The following MTOR variants were observed in gnomAD, a reference collection of about 807,000 sequenced individuals.
The protein encoded by MTOR is mechanistic target of rapamycin kinase.
In MTOR, 70 loss-of-function variants were observed where a neutral mutation model predicts 319.8. The ratio of observed to expected loss-of-function variants is 0.22; its 90% CI spans 0.18 to 0.27. MTOR has a LOEUF of 0.27. MTOR is among the 10% of genes least tolerant of loss of function. MTOR has a pLI of 1.00. For synonymous variants in MTOR, 1,183 were observed against 1,211.4 expected (o/e 0.98, Z 0.49); for missense variants, 1,890 against 3,274.4 (o/e 0.58, Z 10.32).
intron 23 of MTOR, among the ~76,000 whole-genome samples, chr1:11,211,959 C>T (rs1015579824): frequency 6.6e-6 from 1 of 152,042 alleles, no homozygotes. Context: ...TAGGTCTCTG[C>T]TTGAGTGTCA....
At chr1:11,135,694 G>A (rs1341029502) in intron 36 of MTOR, among the ~76,000 whole-genome samples, 2 of 151,450 alleles carry the variant, frequency 1.3e-5, no homozygotes, top group African/African-American at 2.4e-5. Context: ...TTAGCCGGGC[G>A]TGGTGGGGCG....
In MTOR at chr1:11,107,220, A is replaced by C; in HGVS notation, c.*265T>G. ...TAAAGTTATGGATCTTCTGTTCCCCAAAATGAATGGCTTGATTTACGTGGT... is the reference window on the plus strand; with the variant it reads ...TAAAGTTATGGATCTTCTGTTCCCCCAAATGAATGGCTTGATTTACGTGGT... On this transcript the variant is annotated 3_prime_UTR_variant, in exon 58 of 58. Transcript: ENST00000361445. The C allele has an allele frequency of 2.1e-6, 3 of 1,404,692 alleles. No individual in the cohort carries two copies. Among genetic ancestry groups the C allele is most frequent in the Non-Finnish European group, 2.8e-6 (3 of 1,070,336 alleles). 87.0% of individuals were successfully genotyped at this position (1,404,692 alleles called of 1,614,324 possible).
intron 13 of MTOR, 91 bp downstream of exon 13, chr1:11,237,752 C>G: frequency 2.2e-6 from 3 of 1,387,804 alleles, no homozygotes; most frequent in Non-Finnish European, 3.0e-6. Context: ...CTTTCTCCCC[C>G]ATCCTTGTCC....
At chr1:11,254,975 G>C (rs1010595512) in intron 5 of MTOR, among the ~76,000 whole-genome samples, 3 of 152,070 alleles carry the variant, frequency 2.0e-5, no homozygotes, top group African/African-American at 7.2e-5. Flanking sequence ...TGCTGCCCAG[G>C]CTGGTCTCAA....
chr1:11,209,446 C>G lies in MTOR; in HGVS notation c.3667G>C (p.Ala1223Pro). ...ICRIVKGYTL[A>P]DEEEDPLIYQ... ...ATCAAAGGATCCTCCTCTTCATCAG[C>G]AAGTGTGTATCCCTACAACCAAAGA... Residue 1223 changes from alanine to proline, a missense_variant, in exon 25 of 58, where the codon GCT (alanine) becomes CCT (proline). By Grantham distance (27) the Ala-to-Pro change is conservative. Coordinates refer to ENST00000361445, the MANE Select transcript of MTOR (RefSeq NM_004958.4). 3 of 1,614,186 alleles carry G rather than the reference C, an allele frequency of 1.9e-6. No homozygotes were observed. Among genetic ancestry groups the G allele is most frequent in the Non-Finnish European group, 2.5e-6 (3 of 1,180,024 alleles).
In MTOR at chr1:11,163,239, T is replaced by C. The variant is rs576568881; in HGVS notation, c.4329+4203A>G. Among the ~76,000 whole-genome samples, 24 of 152,298 alleles carry C rather than the reference T, an allele frequency of 1.6e-4. No individual in the cohort carries two copies. In the East Asian group the frequency reaches 4.4e-3, roughly 28 times the overall value. ...TCAATTCAACAAGAAGAGCTAACTA[T>C]CCTAAATATATATGCGCCCAGTACA... On this transcript the variant is annotated intron_variant, in intron 29 of 57. Coordinates refer to ENST00000361445, the MANE Select transcript of MTOR (RefSeq NM_004958.4).
intron 29 of MTOR, among the ~76,000 whole-genome samples, chr1:11,166,952 G>A (rs1193702651): frequency 2.0e-5 from 3 of 152,138 alleles, no homozygotes; most frequent in Non-Finnish European, 4.4e-5. Flanking sequence ...GTAGGGACAT[G>A]GATGAAGCTG....
intron 19 of MTOR, among the ~76,000 whole-genome samples, chr1:11,225,164 T>C (rs914609158): frequency 5.9e-5 from 9 of 152,178 alleles, no homozygotes; most frequent in African/African-American, 1.9e-4. Flanking sequence ...TAAAAATCAA[T>C]GAATTTTACG....
At chr1:11,243,031 G>GT (rs946888835) in intron 9 of MTOR, 83 bp downstream of exon 9, 147 of 1,506,978 alleles carry the variant, frequency 9.8e-5, no homozygotes, top group Non-Finnish European at 1.2e-4. Flanking sequence ...AAAAATGGGC[G>GT]TAAGCTCCGT....
chr1:11,209,057 G>A (rs1351883313), intron 25 of MTOR, among the ~76,000 whole-genome samples: 1 of 152,172 alleles, frequency 6.6e-6, no homozygotes, highest in Non-Finnish European at 1.5e-5. Context: ...GAATGTATTT[G>A]CAACAAAAGG....
At chr1:11,196,180 C>T (rs563203833) in intron 28 of MTOR, among the ~76,000 whole-genome samples, 2 of 152,254 alleles carry the variant, frequency 1.3e-5, no homozygotes, top group East Asian at 1.9e-4. Flanking sequence ...GGGGATTACA[C>T]GTCTGGGGCT....
intron 3 of MTOR, among the ~76,000 whole-genome samples, chr1:11,257,728 T>C (rs1650601779): frequency 6.6e-6 from 1 of 152,210 alleles, no homozygotes; most frequent in African/African-American, 2.4e-5. Context: ...CATGCTAGTA[T>C]AATTTTCTCC....
intron 21 of MTOR, 84 bp downstream of exon 21, chr1:11,213,315 A>G: frequency 1.4e-6 from 2 of 1,447,136 alleles, no homozygotes; most frequent in South Asian, 2.7e-5. Context: ...TGTCACTCAG[A>G]ATGAGGTCTC....
At chr1:11,154,990 T>A (rs1446846777) in intron 30 of MTOR, among the ~76,000 whole-genome samples, 2 of 151,824 alleles carry the variant, frequency 1.3e-5, no homozygotes, top group African/African-American at 4.8e-5. Context: ...CTACAAAAAA[T>A]AAAAAAAATT....
chr1:11,138,372 T>C (rs1028876838), intron 36 of MTOR, among the ~76,000 whole-genome samples: 8 of 152,182 alleles, frequency 5.3e-5, no homozygotes, highest in Admixed American at 1.3e-4. Context: ...CTTAGGTCAT[T>C]GGTACTGCAG....
intron 28 of MTOR, among the ~76,000 whole-genome samples, chr1:11,169,810 C>T (rs12143812): frequency 0.059 from 8,984 of 152,216 alleles, 373 homozygotes; most frequent in South Asian, 0.12. Flanking sequence ...GAGGGTTCTT[C>T]GGGGAATTAA....
chr1:11,183,837 C>A (rs1645232583), intron 28 of MTOR, among the ~76,000 whole-genome samples: 1 of 152,152 alleles, frequency 6.6e-6, no homozygotes, highest in Non-Finnish European at 1.5e-5. Context: ...AAATTTTCTT[C>A]CCCCATAAGG....
intron 54 of MTOR, among the ~76,000 whole-genome samples, chr1:11,110,455 T>C (rs1641802893): frequency 6.6e-6 from 1 of 152,064 alleles, no homozygotes; most frequent in African/African-American, 2.4e-5. Context: ...CAGGCTGGAG[T>C]GCAGTGGCAT....
intron 29 of MTOR, among the ~76,000 whole-genome samples, chr1:11,166,220 G>A (rs1644639601): frequency 6.6e-6 from 1 of 152,100 alleles, no homozygotes; most frequent in African/African-American, 2.4e-5. Context: ...CAAAAGCAAT[G>A]GCAACAAAAG....
Sources: allele counts gnomAD v4.1 joint callset (sites outside exome capture counted in the v4.1 genomes callset), GRCh38; gene constraint gnomAD v4.1.1; transcripts MANE v1.5; gene names NCBI Gene and HGNC (gene_info 2026-07-23, HGNC 2026-07-21).